RUBCNL: variants seen among roughly 807,000 people sequenced by gnomAD.
The protein encoded by RUBCNL is rubicon like autophagy enhancer.
In RUBCNL, 62 loss-of-function variants were observed where a neutral mutation model predicts 69.5. That is an observed-to-expected ratio of 0.89 (90% CI 0.73 to 1.10). The LOEUF (loss-of-function observed/expected upper bound fraction) is 1.10. RUBCNL is among the 50% of genes least tolerant of loss of function. The pLI, the probability that RUBCNL is intolerant of heterozygous loss-of-function variation, is 0.00. For missense variants in RUBCNL, 768 were observed against 798.1 expected (o/e 0.96, Z 0.45); for synonymous variants, 291 against 303.6 (o/e 0.96, Z 0.43).
At chr13:46,362,470 T>G in intron 7 of RUBCNL, 68 bp downstream of exon 7, 1 of 992,252 alleles carries the variant, frequency 1.0e-6, no homozygotes. Flanking sequence ...GTCAGAGGCC[T>G]AGGTTTCACA....
upstream of RUBCNL, among the ~76,000 whole-genome samples, chr13:46,388,658 G>A (rs1054995745): frequency 3.9e-5 from 6 of 152,218 alleles, no homozygotes; most frequent in South Asian, 2.1e-4. Flanking sequence ...GTAATGACAC[G>A]TAGGTGAACC....
At chr13:46,387,563 A>G (rs1216334317), upstream of RUBCNL, 15 of 985,450 alleles carry the variant, frequency 1.5e-5, no homozygotes, top group Non-Finnish European at 1.8e-5. Flanking sequence ...CCTGGCAGAA[A>G]TGACTTCCCA....
intron 7 of RUBCNL, among the ~76,000 whole-genome samples, chr13:46,362,295 C>G (rs980245755): frequency 6.6e-6 from 1 of 152,084 alleles, no homozygotes. Context: ...AAAATTCACC[C>G]AACCTGTTTA....
At chr13:46,356,921 G>A (rs1325863407) in intron 9 of RUBCNL, among the ~76,000 whole-genome samples, 1 of 149,544 alleles carries the variant, frequency 6.7e-6, no homozygotes, top group Non-Finnish European at 1.5e-5. Flanking sequence ...TAGAGATAGG[G>A]TCTCTCTATG....
rs2049267961 is a variant in RUBCNL, at chr13:46,387,144, C to T, written c.-249G>A. 4 of 985,562 alleles carry T rather than the reference C, an allele frequency of 4.1e-6. No homozygotes were observed. The highest frequency in any genetic ancestry group is 4.8e-6 in the Non-Finnish European group (4 of 830,040). 61.1% of individuals were successfully genotyped at this position (985,562 alleles called of 1,614,324 possible). A position where few individuals can be genotyped will look rare whatever the true frequency, so the allele number is the denominator to read the frequency against. On this transcript the variant is annotated 5_prime_UTR_variant, in exon 1 of 15. Transcript: ENST00000429979. ...CCCCGCCAGCCTCACCCAGCCAAAC[C>T]CGAGCGGTGGAACGCTGCGCTGGGT...
intron 3 of RUBCNL, among the ~76,000 whole-genome samples, chr13:46,370,121 A>G (rs559337077): frequency 8.6e-4 from 131 of 152,354 alleles, no homozygotes; most frequent in African/African-American, 3.0e-3. Context: ...TAGAGGAAAG[A>G]GCACAGAGAA....
intron 5 of RUBCNL, among the ~76,000 whole-genome samples, chr13:46,365,971 T>C (rs1393056366): frequency 1.3e-5 from 2 of 152,222 alleles, no homozygotes; most frequent in Non-Finnish European, 2.9e-5. Context: ...AGAAGGCTAC[T>C]GCAGCGGGCC....
At chr13:46,379,346 G>T (rs2049068946) in intron 1 of RUBCNL, among the ~76,000 whole-genome samples, 1 of 152,198 alleles carries the variant, frequency 6.6e-6, no homozygotes, top group African/African-American at 2.4e-5. Flanking sequence ...AAAGTGCTGG[G>T]ATTACAGGTA....
chr13:46,335,837 T>C lies in RUBCNL; in HGVS notation c.*7548A>G, dbSNP rs1205021337. 6.6e-6 allele frequency among the ~76,000 whole-genome samples: 1 copy of C among 152,188 alleles called. No homozygotes were observed. The highest frequency in any genetic ancestry group is 1.5e-5 in the Non-Finnish European group (1 of 68,028). ...CCATTTTCTGAGATGGAAAAGCCTG[T>C]AAAGAAATACTAATACAAGCACAGC... On this transcript the variant is annotated 3_prime_UTR_variant, in exon 15 of 15. Transcript: ENST00000429979.
At chr13:46,356,537 C>T (rs755081330) in intron 9 of RUBCNL, 41 bp from the exon 10 acceptor site, 37 of 1,546,786 alleles carry the variant, frequency 2.4e-5, no homozygotes, top group Admixed American at 7.0e-5. Context: ...TCAGAGAAGG[C>T]CAATGGCACA....
At position 46,345,416 on chromosome 13, in the gene RUBCNL, G is replaced by A. The variant is rs376163783; in HGVS notation, c.1785+31C>T. 6.1e-5 allele frequency: 95 copies of A among 1,549,270 alleles called. No individual in the cohort carries two copies. In the African/African-American group the frequency reaches 9.8e-4, roughly 16 times the overall value. Reference sequence around the variant, plus strand: ...CACCCAGCACAGGCCCTGGTGCATCGGGAACGAATCTGCTCTGGGTGCACC... The same window carrying A: ...CACCCAGCACAGGCCCTGGTGCATCAGGAACGAATCTGCTCTGGGTGCACC... On this transcript the variant is annotated intron_variant, in intron 13 of 14. Coordinates refer to ENST00000429979, the MANE Select transcript of RUBCNL (RefSeq NM_025113.5).
Position 46,334,787 on chromosome 13 carries a change from C to T in RUBCNL, c.*8598G>A, listed in dbSNP as rs898552166. Among the ~76,000 whole-genome samples the T allele has an allele frequency of 1.4e-4, 22 of 152,164 alleles. No homozygotes were observed. The highest frequency in any genetic ancestry group is 7.2e-4 in the Admixed American group (11 of 15,278). ...TAATCTGTACGACAACCTTGTGAGACAGATTGTCAGCATTTTACAAATAGG... is the reference window on the plus strand; with the variant it reads ...TAATCTGTACGACAACCTTGTGAGATAGATTGTCAGCATTTTACAAATAGG... On this transcript the variant is annotated 3_prime_UTR_variant, in exon 15 of 15. Coordinates refer to ENST00000429979, the MANE Select transcript of RUBCNL (RefSeq NM_025113.5).
At chr13:46,365,254 G>A (rs1028272124) in intron 5 of RUBCNL, among the ~76,000 whole-genome samples, 2 of 131,530 alleles carry the variant, frequency 1.5e-5, no homozygotes, top group East Asian at 4.5e-4. Flanking sequence ...TGTGAGCCGA[G>A]ATCGCACCAC....
chr13:46,385,183 G>T, intron 1 of RUBCNL: 1 of 622,120 alleles, frequency 1.6e-6, no homozygotes, highest in Non-Finnish European at 2.0e-6. Flanking sequence ...ATGAAGGTTA[G>T]CTTTATTATC....
Position 46,343,101 on chromosome 13 carries a change from G to GTTATGTATT in RUBCNL, c.*283_*284insAATACATAA. On this transcript the variant is annotated 3_prime_UTR_variant, in exon 15 of 15. Coordinates refer to ENST00000429979, the MANE Select transcript of RUBCNL (RefSeq NM_025113.5). ...ACACATACAAACTGGCTCAGCATCA[G>GTTATGTATT]TGAAACATAACTATTCAAATACAAA... The GTTATGTATT allele has an allele frequency of 2.1e-6, 1 of 485,974 alleles. No individual in the cohort carries two copies. The highest frequency in any genetic ancestry group is 3.7e-6 in the Non-Finnish European group (1 of 273,960). 30.1% of individuals were successfully genotyped at this position (485,974 alleles called of 1,614,324 possible).
chr13:46,347,630 T>C (rs259732), intron 12 of RUBCNL, among the ~76,000 whole-genome samples: 61,119 of 151,898 alleles, frequency 0.4, 13,047 homozygotes, highest in East Asian at 0.59. Context: ...CTAGTGTCCA[T>C]GGATGAATAG....
In RUBCNL at chr13:46,345,452, A is replaced by C; in HGVS notation, c.1780T>G (p.Cys594Gly). Residue 594 changes from cysteine to glycine, a missense_variant, in exon 13 of 15, where the codon TGT becomes GGT. Coordinates refer to ENST00000429979, the MANE Select transcript of RUBCNL (RefSeq NM_025113.5). Reference sequence around the variant, plus strand: ...TGCTCTGGGTGCACCCTCACCTCACAGCCAGCCACATGTGCAAGGGAAGCT... The same window carrying C: ...TGCTCTGGGTGCACCCTCACCTCACCGCCAGCCACATGTGCAAGGGAAGCT... ...LKASLAHVAGCELCQGKGFIC... is the reference protein window; with the variant it reads ...LKASLAHVAGGELCQGKGFIC... 4 of 1,559,128 alleles carry C rather than the reference A, an allele frequency of 2.6e-6. No homozygotes were observed. Among genetic ancestry groups the C allele is most frequent in the Non-Finnish European group, 3.5e-6 (4 of 1,151,660 alleles).
chr13:46,363,579 G>C (rs910158412), intron 5 of RUBCNL, among the ~76,000 whole-genome samples: 1 of 152,104 alleles, frequency 6.6e-6, no homozygotes, highest in Non-Finnish European at 1.5e-5. Flanking sequence ...TCTGCCAGGG[G>C]CAGGGGCGTG....
chr13:46,381,661 C>A (rs148087616), intron 1 of RUBCNL, among the ~76,000 whole-genome samples: 1,549 of 152,310 alleles, frequency 0.01, 26 homozygotes, highest in African/African-American at 0.028. Context: ...CGGCTCACTG[C>A]AACCTCTGCC....
Sources: allele counts gnomAD v4.1 joint callset (sites outside exome capture counted in the v4.1 genomes callset), GRCh38; gene constraint gnomAD v4.1.1; transcripts MANE v1.5; gene names NCBI Gene and HGNC (gene_info 2026-07-23, HGNC 2026-07-21).